KAZN: variants seen among roughly 807,000 people sequenced by gnomAD.
KAZN encodes kazrin.
A neutral mutation model predicts 87.4 loss-of-function variants in KAZN; 40 were observed. The observed-to-expected ratio is 0.46, with a 90% confidence interval of 0.36 to 0.60. The LOEUF (loss-of-function observed/expected upper bound fraction) is 0.60, where lower values mean the gene tolerates loss of function less well. Ranked by LOEUF, KAZN falls within the 20% of genes least tolerant of loss-of-function variation. KAZN has a pLI of 0.00. For missense variants in KAZN, 898 were observed against 1,073.9 expected (o/e 0.84, Z 2.29); for synonymous variants, 466 against 458.3 (o/e 1.02, Z -0.22).
chr1:14,350,692 T>A lies in KAZN; in HGVS notation c.249+170100T>A, dbSNP rs113831007. 5.9e-3 allele frequency among the ~76,000 whole-genome samples: 895 copies of A among 152,248 alleles called. 10 individuals are homozygous for A. Among genetic ancestry groups the A allele is most frequent in the African/African-American group, 0.021 (858 of 41,540 alleles). On this transcript the variant is annotated intron_variant, in intron 2 of 16. Coordinates refer to the KAZN transcript ENST00000636203. ...GTGGAAGTGGCAGAGACCTAGGTGG[T>A]CTAATGCAGTGGTTACCAAGGGTCT...
intron 2 of KAZN, among the ~76,000 whole-genome samples, chr1:14,428,426 A>G (rs1431154477): frequency 6.6e-6 from 1 of 152,222 alleles, no homozygotes; most frequent in African/African-American, 2.4e-5. Flanking sequence ...GGAGGTATAT[A>G]AAAAATAGAT....
At position 14,756,841 on chromosome 1, in the gene KAZN, C is replaced by T. The variant is rs140734647; in HGVS notation, c.226+157618C>T. On this transcript the variant is annotated intron_variant, in intron 1 of 14. Coordinates refer to ENST00000376030, the MANE Select transcript of KAZN (RefSeq NM_201628.3). ...CTCTTTGTCTTAACTGGCTTGGCCA[C>T]ATTTCAGTGCTGGAAAGAGGAGAAA... 3.7e-3 allele frequency among the ~76,000 whole-genome samples: 558 copies of T among 152,348 alleles called. 1 individual carries two copies. Among genetic ancestry groups the T allele is most frequent in the Non-Finnish European group, 5.5e-3 (371 of 68,036 alleles).
chr1:13,914,241 C>G (rs1363990547), intron 1 of KAZN, among the ~76,000 whole-genome samples: 2 of 152,222 alleles, frequency 1.3e-5, no homozygotes, highest in African/African-American at 4.8e-5. Flanking sequence ...CTCACTATTG[C>G]CCTCCTGCCG....
At chr1:14,695,833 C>A (rs1641573747) in intron 1 of KAZN, among the ~76,000 whole-genome samples, 1 of 151,980 alleles carries the variant, frequency 6.6e-6, no homozygotes, top group African/African-American at 2.4e-5. Flanking sequence ...ACCACTCTCC[C>A]TCACTGGCCA....
At chr1:14,625,541 A>G (rs1679071402) in intron 1 of KAZN, among the ~76,000 whole-genome samples, 1 of 152,246 alleles carries the variant, frequency 6.6e-6, no homozygotes, top group Non-Finnish European at 1.5e-5. Flanking sequence ...ATTAGCAGCT[A>G]AAAGATTTCC....
intron 2 of KAZN, among the ~76,000 whole-genome samples, chr1:14,564,841 A>G (rs1236218810): frequency 6.6e-6 from 1 of 152,026 alleles, no homozygotes; most frequent in Non-Finnish European, 1.5e-5. Context: ...AAAGTAAAAT[A>G]AAAATAAAGT....
At chr1:14,135,352 T>C (rs1645086325) in intron 1 of KAZN, among the ~76,000 whole-genome samples, 1 of 152,190 alleles carries the variant, frequency 6.6e-6, no homozygotes, top group South Asian at 2.1e-4. Flanking sequence ...GAATAGCTGG[T>C]ATCTGGCTCT....
chr1:14,842,074 C>G (rs528812960), intron 1 of KAZN, among the ~76,000 whole-genome samples: 1 of 152,300 alleles, frequency 6.6e-6, no homozygotes, highest in East Asian at 1.9e-4. Context: ...TTCTTGTCCC[C>G]CTCCCTGCTC....
At chr1:14,377,358 C>T (rs11590846) in intron 2 of KAZN, among the ~76,000 whole-genome samples, 32,689 of 152,122 alleles carry the variant, frequency 0.21, 4,230 homozygotes, top group Middle Eastern at 0.34. Context: ...AAGGGGCCAC[C>T]ACATCAGTGG....
At chr1:14,275,095 A>G (rs1479748712) in intron 2 of KAZN, among the ~76,000 whole-genome samples, 1 of 152,226 alleles carries the variant, frequency 6.6e-6, no homozygotes, top group African/African-American at 2.4e-5. Flanking sequence ...TGTGCCAAAC[A>G]GCCATGTTCC....
chr1:13,913,317 A>G (rs1233738553), intron 1 of KAZN, among the ~76,000 whole-genome samples: 1 of 152,166 alleles, frequency 6.6e-6, no homozygotes, highest in Non-Finnish European at 1.5e-5. Context: ...CTGGTCAAGC[A>G]GAGGAGACTT....
intron 5 of KAZN, among the ~76,000 whole-genome samples, chr1:15,057,747 C>G (rs572894631): frequency 2.1e-4 from 32 of 152,340 alleles, no homozygotes; most frequent in Admixed American, 1.8e-3. Context: ...AGTCTCACAG[C>G]CCAGCCATGC....
At chr1:14,823,893 C>G (rs6704361) in intron 1 of KAZN, among the ~76,000 whole-genome samples, 43,168 of 151,960 alleles carry the variant, frequency 0.28, 6,301 homozygotes, top group Middle Eastern at 0.32. Context: ...GCAGACGGAT[C>G]ACCTGAGGTC....
chr1:14,977,305 G>C (rs899296496), intron 2 of KAZN, among the ~76,000 whole-genome samples: 2 of 152,204 alleles, frequency 1.3e-5, no homozygotes, highest in African/African-American at 4.8e-5. Flanking sequence ...GGGACAATTT[G>C]CTGGCCAGGA....
At chr1:14,848,902 C>T (rs1649104346) in intron 1 of KAZN, among the ~76,000 whole-genome samples, 2 of 152,080 alleles carry the variant, frequency 1.3e-5, no homozygotes, top group Admixed American at 6.5e-5. Context: ...GGGGAAGGCT[C>T]GAAGGGAAGA....
chr1:13,957,437 G>A (rs1388141995), intron 1 of KAZN, among the ~76,000 whole-genome samples: 1 of 152,182 alleles, frequency 6.6e-6, no homozygotes, highest in African/African-American at 2.4e-5. Context: ...GACATGGAGT[G>A]ACTTGGGGAT....
chr1:14,389,202 C>G (rs1455087684), intron 2 of KAZN, among the ~76,000 whole-genome samples: 1 of 152,120 alleles, frequency 6.6e-6, no homozygotes, highest in African/African-American at 2.4e-5. Flanking sequence ...CAGGCAATAA[C>G]AAATGCTGGT....
intron 1 of KAZN, among the ~76,000 whole-genome samples, chr1:13,927,155 T>G (rs1260504031): frequency 6.6e-6 from 1 of 152,208 alleles, no homozygotes; most frequent in African/African-American, 2.4e-5. Context: ...CTTTCAGAAA[T>G]CTTTTAAGAT....
In KAZN at chr1:14,783,081, TA is replaced by T. The variant is rs113632546; in HGVS notation, c.227-177602del. Among the ~76,000 whole-genome samples, 547 of 152,184 alleles carry T rather than the reference TA, an allele frequency of 3.6e-3. 3 individuals carry two copies. The highest frequency in any genetic ancestry group is 0.012 in the African/African-American group (507 of 41,538). ...GAAAAAAAGAGAAAATTGCTGCCTT[TA>T]GGGGGTGCTCAGCCCTGAAGTGCTC... On this transcript the variant is annotated intron_variant, in intron 1 of 14. Coordinates refer to ENST00000376030, the MANE Select transcript of KAZN (RefSeq NM_201628.3).
Sources: allele counts gnomAD v4.1 joint callset (sites outside exome capture counted in the v4.1 genomes callset), GRCh38; gene constraint gnomAD v4.1.1; transcripts MANE v1.5; gene names NCBI Gene and HGNC (gene_info 2026-07-23, HGNC 2026-07-21).